WIPF3: variants seen among roughly 807,000 people sequenced by gnomAD.
The protein encoded by WIPF3 is WAS/WASL interacting protein family member 3, also known as WAS/WASL-interacting protein family member 3.
A neutral mutation model predicts 38.9 loss-of-function variants in WIPF3; 33 were observed. The observed-to-expected ratio is 0.85, with a 90% CI of 0.64 to 1.14. WIPF3 has a LOEUF of 1.14. Among genes scored for constraint, WIPF3 ranks in the 50% most tolerant of loss-of-function variants. WIPF3 has a pLI of 0.00. For synonymous variants in WIPF3, 324 were observed against 269.3 expected (o/e 1.20, Z -1.99); for missense variants, 711 against 652.5 (o/e 1.09, Z -0.98).
chr7:29,830,578 C>T (rs907389672), intron 1 of WIPF3, among the ~76,000 whole-genome samples: 3 of 149,798 alleles, frequency 2.0e-5, no homozygotes, highest in Non-Finnish European at 4.4e-5. Flanking sequence ...CGAGATCACG[C>T]CGCTGCACTC....
In WIPF3 at chr7:29,814,198, G is replaced by C. The variant is rs188789733; in HGVS notation, c.-58+7520G>C. ...CCTCCCAAAATAAATGTAATAACCT[G>C]CTTACGGTTATTATGATTACTCATA... On this transcript the variant is annotated intron_variant, in intron 1 of 8. Transcript: ENST00000242140. 1.1e-3 allele frequency among the ~76,000 whole-genome samples: 162 copies of C among 152,282 alleles called. 3 individuals carry two copies. In the Middle Eastern group the frequency reaches 0.014, roughly 13 times the overall value.
intron 5 of WIPF3, 95 bp from the exon 6 acceptor site, chr7:29,887,973 C>T: frequency 6.7e-7 from 1 of 1,493,054 alleles, no homozygotes; most frequent in Admixed American, 1.9e-5. Context: ...TATCATATTA[C>T]ATCTGAAGAT....
chr7:29,913,690 T>G (rs1583634579), intron 8 of WIPF3, among the ~76,000 whole-genome samples: 1 of 152,218 alleles, frequency 6.6e-6, no homozygotes, highest in South Asian at 2.1e-4. Flanking sequence ...AAGAGAAAAC[T>G]TTCTAGAAAT....
chr7:29,899,151 C>G (rs1356689009), intron 7 of WIPF3, among the ~76,000 whole-genome samples: 1 of 152,136 alleles, frequency 6.6e-6, no homozygotes, highest in Non-Finnish European at 1.5e-5. Flanking sequence ...GGCACTAATC[C>G]CATCATGAGG....
At chr7:29,845,030 CTT>C (rs780163235) in intron 2 of WIPF3, among the ~76,000 whole-genome samples, 1 of 139,060 alleles carries the variant, frequency 7.2e-6, no homozygotes, top group Non-Finnish European at 1.6e-5. Flanking sequence ...GTTTTCTTTC[CTT>C]TTTTTTTTTT....
At chr7:29,855,040 A>G (rs944345922) in intron 2 of WIPF3, among the ~76,000 whole-genome samples, 1 of 152,156 alleles carries the variant, frequency 6.6e-6, no homozygotes, top group East Asian at 1.9e-4. Context: ...ACTAATGCAC[A>G]ATGTCTTTCT....
At chr7:29,839,719 TAAAAG>T (rs1562774756) in intron 2 of WIPF3, among the ~76,000 whole-genome samples, 1 of 152,188 alleles carries the variant, frequency 6.6e-6, no homozygotes, top group Non-Finnish European at 1.5e-5. Flanking sequence ...GGAAAAAAAT[TAAAAG>T]AAAAGTAATA....
chr7:29,899,088 C>T (rs974985413), intron 7 of WIPF3, among the ~76,000 whole-genome samples: 4 of 152,182 alleles, frequency 2.6e-5, no homozygotes, highest in Non-Finnish European at 5.9e-5. Context: ...GCTACCTTCT[C>T]ACTGTGTGCA....
At chr7:29,834,875 C>A in intron 2 of WIPF3, 61 bp downstream of exon 2, 1 of 1,504,344 alleles carries the variant, frequency 6.6e-7, no homozygotes, top group Non-Finnish European at 8.9e-7. Flanking sequence ...TACACTTGAG[C>A]AGAAGGTTTT....
chr7:29,875,466 A>G (rs1461309835), intron 2 of WIPF3, among the ~76,000 whole-genome samples: 1 of 152,168 alleles, frequency 6.6e-6, no homozygotes, highest in African/African-American at 2.4e-5. Flanking sequence ...TGGGGCACCA[A>G]GCAGGATGAT....
chr7:29,889,003 C>G (rs1032635275), intron 6 of WIPF3, among the ~76,000 whole-genome samples: 2 of 152,150 alleles, frequency 1.3e-5, no homozygotes, highest in Non-Finnish European at 2.9e-5. Flanking sequence ...CTGGAGAGCC[C>G]CATGCCACTT....
intron 2 of WIPF3, among the ~76,000 whole-genome samples, chr7:29,849,163 A>C (rs1293720304): frequency 1.3e-5 from 2 of 152,110 alleles, no homozygotes; most frequent in Non-Finnish European, 2.9e-5. Flanking sequence ...TCTAGGGATT[A>C]ACGTTAAGGT....
At chr7:29,819,671 T>A (rs1301507096) in intron 1 of WIPF3, among the ~76,000 whole-genome samples, 2 of 152,084 alleles carry the variant, frequency 1.3e-5, no homozygotes, top group Admixed American at 1.3e-4. Context: ...TGCTCTGAAT[T>A]TTTCATTAGC....
At chr7:29,811,000 C>T (rs1011775633) in intron 1 of WIPF3, among the ~76,000 whole-genome samples, 1 of 152,110 alleles carries the variant, frequency 6.6e-6, no homozygotes, top group African/African-American at 2.4e-5. Flanking sequence ...GTGATCCTCC[C>T]ACCTCAGCCT....
At chr7:29,887,689 C>G (rs1333263552) in intron 5 of WIPF3, among the ~76,000 whole-genome samples, 1 of 152,170 alleles carries the variant, frequency 6.6e-6, no homozygotes, top group East Asian at 1.9e-4. Context: ...CTAGTGATTC[C>G]CCTGCTTTGG....
At chr7:29,855,040 A>C (rs944345922) in intron 2 of WIPF3, among the ~76,000 whole-genome samples, 6 of 152,156 alleles carry the variant, frequency 3.9e-5, no homozygotes, top group African/African-American at 1.4e-4. Context: ...ACTAATGCAC[A>C]ATGTCTTTCT....
At position 29,834,653 on chromosome 7, in the gene WIPF3, TTTTCTC is replaced by T. The variant is rs1784770013; in HGVS notation, c.-57-11_-57-6del. 7.2e-7 allele frequency: 1 copy of T among 1,385,278 alleles called. No individual in the cohort carries two copies. The highest frequency in any genetic ancestry group is 9.4e-7 in the Non-Finnish European group (1 of 1,066,358). 85.8% of individuals were successfully genotyped at this position (1,385,278 alleles called of 1,614,324 possible). ...AGAAATCCAAGTTTAAATCCATTCT[TTTTCTC>T]TTTTTCAGAGCAGAAGCCACTCTCT... On this transcript the variant is annotated splice_polypyrimidine_tract_variant and intron_variant, in intron 1 of 8. Coordinates refer to ENST00000242140, the MANE Select transcript of WIPF3 (RefSeq NM_001080529.3).
Position 29,878,935 on chromosome 7 carries a change from C to G in WIPF3, c.224-74C>G. The G allele has an allele frequency of 6.6e-7, 1 of 1,514,622 alleles. No homozygotes were observed. Among genetic ancestry groups the G allele is most frequent in the Non-Finnish European group, 9.0e-7 (1 of 1,116,810 alleles). 93.8% of individuals were successfully genotyped at this position (1,514,622 alleles called of 1,614,324 possible). A position where few individuals can be genotyped will look rare whatever the true frequency, so the allele number is the denominator to read the frequency against. ...AGGGCAGTGGTAGACCAGTGTTAGA[C>G]CATGGTCTGAAATGAGACCTGGCTG... On this transcript the variant is annotated intron_variant, in intron 3 of 8. Transcript: ENST00000242140. This position sits in a 1 kb window ranked among gnomAD's most constrained non-coding sequence, Gnocchi z 4.0.
At chr7:29,807,334 T>C (rs1815504938) in intron 1 of WIPF3, among the ~76,000 whole-genome samples, 1 of 152,208 alleles carries the variant, frequency 6.6e-6, no homozygotes, top group African/African-American at 2.4e-5. Context: ...CAGACTGTGC[T>C]CCAGCAATGT....
Sources: allele counts gnomAD v4.1 joint callset (sites outside exome capture counted in the v4.1 genomes callset), GRCh38; gene constraint gnomAD v4.1.1; non-coding constraint Gnocchi (gnomAD v3.1); transcripts MANE v1.5; gene names NCBI Gene and HGNC (gene_info 2026-07-23, HGNC 2026-07-21).